The following AP1S3 variants were observed in gnomAD, a reference collection of about 807,000 sequenced individuals.
AP1S3 encodes the protein AP-1 complex subunit sigma-3.
AP1S3 carries 10 observed loss-of-function variants against 20.9 expected under a neutral mutation model. The observed-to-expected ratio is 0.48, with a 90% CI of 0.29 to 0.81. The LOEUF (loss-of-function observed/expected upper bound fraction) is 0.81. AP1S3 is among the 30% of genes least tolerant of loss of function. AP1S3 has a pLI of 0.08. For synonymous variants in AP1S3, 41 were observed against 61.5 expected, an observed-to-expected ratio of 0.67 and a Z score of 1.56; for missense variants, 154 against 183.8, an observed-to-expected ratio of 0.84 and a Z score of 0.94.
chr2:223,760,915 T>C (rs1690338460), intron 4 of AP1S3, among the ~76,000 whole-genome samples: 1 of 152,168 alleles, frequency 6.6e-6, no homozygotes, highest in Non-Finnish European at 1.5e-5. Flanking sequence ...GATGAGAGCA[T>C]TGCTAGGCCC....
intron 1 of AP1S3, among the ~76,000 whole-genome samples, chr2:223,828,169 G>A (rs1002115019): frequency 1.1e-4 from 17 of 151,290 alleles, no homozygotes; most frequent in African/African-American, 3.9e-4. Flanking sequence ...GCCCTGTGCT[G>A]ATTGAACCAA....
At chr2:223,783,306 C>G (rs11681960) in intron 1 of AP1S3, among the ~76,000 whole-genome samples, 1 of 152,046 alleles carries the variant, frequency 6.6e-6, no homozygotes, top group Admixed American at 6.5e-5. Context: ...ACCAAGACCT[C>G]CATCCCCACC....
At chr2:223,822,039 C>A (rs1243352328) in intron 1 of AP1S3, among the ~76,000 whole-genome samples, 4 of 152,090 alleles carry the variant, frequency 2.6e-5, no homozygotes, top group Non-Finnish European at 4.4e-5. Context: ...TCCAGCAATC[C>A]TTCCAAGCAA....
At chr2:223,773,451 C>T in intron 3 of AP1S3, 3 of 1,162,612 alleles carry the variant, frequency 2.6e-6, no homozygotes, top group Non-Finnish European at 3.4e-6. Flanking sequence ...TATACATTTG[C>T]AAATTTCTCC....
chr2:223,770,057 T>A, intron 3 of AP1S3: 1 of 1,359,886 alleles, frequency 7.4e-7, no homozygotes, highest in Non-Finnish European at 9.8e-7. Context: ...ATCCTATTTT[T>A]AAAAACCGTA....
chr2:223,824,222 C>T lies in AP1S3; in HGVS notation c.3+13226G>A, dbSNP rs141333505. Among the ~76,000 whole-genome samples the T allele has an allele frequency of 6.1e-3, 920 of 152,050 alleles. 10 individuals carry two copies. Among genetic ancestry groups the T allele is most frequent in the African/African-American group, 0.021 (866 of 41,458 alleles). ...TTTGCCATATTGCCCAGGCTGGCCT[C>T]GAACTTTTGGGCTCATGCAATCAGC... On this transcript the variant is annotated intron_variant, in intron 1 of 4. Coordinates refer to ENST00000396654, the MANE Select transcript of AP1S3 (RefSeq NM_001039569.2).
chr2:223,826,500 T>C (rs765803039), intron 1 of AP1S3, among the ~76,000 whole-genome samples: 3 of 151,964 alleles, frequency 2.0e-5, no homozygotes, highest in Non-Finnish European at 4.4e-5. Context: ...GGCTGAGGCA[T>C]GAGAATCGCT....
chr2:223,810,489 T>C (rs1320932402), intron 1 of AP1S3, among the ~76,000 whole-genome samples: 1 of 152,104 alleles, frequency 6.6e-6, no homozygotes, highest in Non-Finnish European at 1.5e-5. Context: ...TTATATTTTT[T>C]GTAGAGACAG....
intron 1 of AP1S3, among the ~76,000 whole-genome samples, chr2:223,832,634 T>C (rs747487736): frequency 1.2e-4 from 19 of 152,104 alleles, no homozygotes; most frequent in Admixed American, 7.2e-4. Context: ...GGAACTTAAA[T>C]TGCCAAAATC....
chr2:223,798,874 C>T (rs546334981), intron 1 of AP1S3, among the ~76,000 whole-genome samples: 32 of 152,234 alleles, frequency 2.1e-4, no homozygotes, highest in African/African-American at 7.7e-4. Flanking sequence ...GAGTTTGAGA[C>T]CAGCCTGGCC....
intron 1 of AP1S3, among the ~76,000 whole-genome samples, chr2:223,790,794 C>T (rs966313585): frequency 6.6e-6 from 1 of 152,050 alleles, no homozygotes; most frequent in Admixed American, 6.6e-5. Context: ...TTAAGATCTA[C>T]TTTCAAGATT....
intron 1 of AP1S3, among the ~76,000 whole-genome samples, chr2:223,795,427 G>A (rs1691313344): frequency 6.6e-6 from 1 of 152,306 alleles, no homozygotes; most frequent in East Asian, 1.9e-4. Context: ...ACATCTGCCA[G>A]TCTTCTAATT....
intron 2 of AP1S3, 69 bp from the exon 3 acceptor site, chr2:223,776,078 C>A (rs568343914): frequency 2.7e-5 from 33 of 1,200,090 alleles, no homozygotes; most frequent in Middle Eastern, 1.9e-4. Flanking sequence ...GTTTTTCCCA[C>A]GAATATGCAG....
intron 1 of AP1S3, among the ~76,000 whole-genome samples, chr2:223,833,880 CTTTT>C (rs761859452): frequency 2.3e-4 from 30 of 130,620 alleles, no homozygotes; most frequent in Non-Finnish European, 3.2e-4. Context: ...CCTTTACACT[CTTTT>C]TATTTATTTA....
intron 1 of AP1S3, among the ~76,000 whole-genome samples, chr2:223,797,169 C>T (rs1691357278): frequency 6.6e-6 from 1 of 152,180 alleles, no homozygotes; most frequent in African/African-American, 2.4e-5. Flanking sequence ...CTTCCCTCGT[C>T]TCTCTCTCCA....
intron 3 of AP1S3, among the ~76,000 whole-genome samples, chr2:223,769,065 A>G (rs1241089662): frequency 6.6e-6 from 1 of 152,220 alleles, no homozygotes; most frequent in Non-Finnish European, 1.5e-5. Context: ...GATCCAAATG[A>G]ATCCAACTTC....
chr2:223,781,234 T>A (rs1690938483), intron 1 of AP1S3, among the ~76,000 whole-genome samples: 1 of 152,126 alleles, frequency 6.6e-6, no homozygotes. Context: ...CTATTCACTT[T>A]CTATTGTGAA....
At chr2:223,766,695 C>A (rs1474157699) in intron 3 of AP1S3, among the ~76,000 whole-genome samples, 1 of 152,108 alleles carries the variant, frequency 6.6e-6, no homozygotes, top group African/African-American at 2.4e-5. Context: ...CCCGGCAATC[C>A]CATTACTGGG....
intron 4 of AP1S3, among the ~76,000 whole-genome samples, chr2:223,759,462 G>A (rs575889942): frequency 6.6e-6 from 1 of 152,210 alleles, no homozygotes; most frequent in South Asian, 2.1e-4. Context: ...CCTATATTGT[G>A]CAGAGCATCT....
Sources: gnomAD v4.1 joint callset for allele counts (sites outside exome capture counted in the v4.1 genomes callset) on GRCh38, gnomAD v4.1.1 for gene constraint, MANE v1.5 for transcripts, NCBI Gene and HGNC (gene_info 2026-07-23, HGNC 2026-07-21) for gene names.